Variants in HSD11B1 observed in about 807,000 individuals in gnomAD.
HSD11B1 encodes the protein hydroxysteroid 11-beta dehydrogenase 1.
In HSD11B1, 15 loss-of-function variants were observed where a neutral mutation model predicts 22.1. The observed-to-expected ratio is 0.68, with a 90% CI of 0.45 to 1.04. The LOEUF is 1.04. Ranked by LOEUF, HSD11B1 falls within the 50% of genes least tolerant of loss-of-function variation. HSD11B1 has a pLI of 0.00. For synonymous variants in HSD11B1, 122 were observed against 125.2 expected, an observed-to-expected ratio of 0.97 and a Z score of 0.17; for missense variants, 281 against 357.6, an observed-to-expected ratio of 0.79 and a Z score of 1.73.
rs977727694 is a variant in HSD11B1, at chr1:209,699,493, C to T, written c.-48-5402C>T. On this transcript the variant is annotated intron_variant, in intron 1 of 6. Transcript: ENST00000261465. ...GAGAGTAGCAGGGGAAAGACTGGCC[C>T]CCATGATTCAATTACCTCCCCCAGG... 2.0e-5 allele frequency among the ~76,000 whole-genome samples: 3 copies of T among 151,992 alleles called. No individual in the cohort carries two copies. In the South Asian group the frequency reaches 6.2e-4, roughly 32 times the overall value.
At chr1:209,686,732 G>C (rs746317079) in intron 1 of HSD11B1, among the ~76,000 whole-genome samples, 39 of 152,238 alleles carry the variant, frequency 2.6e-4, no homozygotes, top group Non-Finnish European at 1.2e-4. Flanking sequence ...TGTATCTTGG[G>C]AAGTACTTAA....
chr1:209,711,114 A>G (rs1360099411), intron 4 of HSD11B1, among the ~76,000 whole-genome samples: 1 of 152,222 alleles, frequency 6.6e-6, no homozygotes, highest in Non-Finnish European at 1.5e-5. Flanking sequence ...TGTGTGGTCT[A>G]AATCTATTTC....
intron 4 of HSD11B1, among the ~76,000 whole-genome samples, chr1:209,726,280 A>T (rs1384172019): frequency 3.0e-3 from 8 of 2,630 alleles, no homozygotes; most frequent in South Asian, 0.2. Flanking sequence ...ACTCCGTAAA[A>T]AAAAAAAAAA....
intron 4 of HSD11B1, among the ~76,000 whole-genome samples, chr1:209,725,060 T>A (rs631923): frequency 9.3e-4 from 141 of 152,312 alleles, no homozygotes; most frequent in African/African-American, 3.2e-3. Flanking sequence ...GTGAGGCTAC[T>A]TAAATCCTTT....
At chr1:209,713,215 A>T (rs531516657) in intron 4 of HSD11B1, among the ~76,000 whole-genome samples, 2 of 152,342 alleles carry the variant, frequency 1.3e-5, no homozygotes, top group East Asian at 3.9e-4. Flanking sequence ...TAGGAAAATA[A>T]CTAGTTGTAC....
At chr1:209,708,250 A>C (rs185365260) in intron 4 of HSD11B1, among the ~76,000 whole-genome samples, 19 of 152,300 alleles carry the variant, frequency 1.2e-4, no homozygotes, top group Admixed American at 5.2e-4. Flanking sequence ...GGAAAGTGCA[A>C]ACACCAGGAT....
At chr1:209,708,233 T>C (rs1177263861) in intron 4 of HSD11B1, among the ~76,000 whole-genome samples, 2 of 152,208 alleles carry the variant, frequency 1.3e-5, no homozygotes, top group Non-Finnish European at 2.9e-5. Flanking sequence ...GTTAGAAGGA[T>C]GTGGCTGGAA....
chr1:209,688,110 C>T (rs1571861209), intron 1 of HSD11B1, among the ~76,000 whole-genome samples: 1 of 152,340 alleles, frequency 6.6e-6, no homozygotes, highest in Non-Finnish European at 1.5e-5. Flanking sequence ...ATGGCTAGTT[C>T]AGTGACTGTT....
chr1:209,725,667 G>A, intron 4 of HSD11B1, among the ~76,000 whole-genome samples: 1 of 152,088 alleles, frequency 6.6e-6, no homozygotes, highest in East Asian at 1.9e-4. Context: ...AGGCCACCAT[G>A]CCTTTCCTAC....
rs767501937 is a variant in HSD11B1 at position 209,707,074 on chromosome 1, T to C, written c.463T>C (p.Leu155=). The C allele has an allele frequency of 1.2e-6, 2 of 1,614,140 alleles. No individual in the cohort carries two copies. ...TTACGTGGTCCTGACTGTAGCTGCC[T>C]TGCCCATGCTGAAGCAGAGCAATGG... ...LSYVVLTVAA[L]PMLKQSNGSI... The change falls in exon 4 of 6, where the codon TTG becomes CTG. Residue 155 remains leucine, a synonymous_variant. Coordinates refer to ENST00000367027, the MANE Select transcript of HSD11B1 (RefSeq NM_005525.4).
chr1:209,706,105 C>T lies in HSD11B1; in HGVS notation c.219+164C>T, dbSNP rs766520999. On this transcript the variant is annotated intron_variant, in intron 2 of 5. Transcript: ENST00000367027. This position sits in a 1 kb window ranked among gnomAD's most constrained non-coding sequence, Gnocchi z 4.0. ...GCACTCTCATATATAGATTCAAACA[C>T]CAAAAAACCCACAGGAATATAAAAG... is the stretch of plus-strand genomic sequence containing the variant. Among the ~76,000 whole-genome samples, 2 of 152,056 alleles carry T rather than the reference C, an allele frequency of 1.3e-5. No homozygotes were observed. The highest frequency in any genetic ancestry group is 2.9e-5 in the Non-Finnish European group (2 of 68,004).
intron 4 of HSD11B1, among the ~76,000 whole-genome samples, chr1:209,708,328 TG>T (rs2076873555): frequency 2.0e-5 from 3 of 152,226 alleles, no homozygotes; most frequent in African/African-American, 7.2e-5. Context: ...CTCTGTAAAC[TG>T]TTAAGCACTT....
intron 1 of HSD11B1, among the ~76,000 whole-genome samples, chr1:209,694,695 A>T (rs2076780393): frequency 6.6e-6 from 1 of 152,204 alleles, no homozygotes; most frequent in Non-Finnish European, 1.5e-5. Context: ...CCCAAGGGGA[A>T]CTTCACAGTG....
At chr1:209,716,467 G>A (rs978688413) in intron 4 of HSD11B1, among the ~76,000 whole-genome samples, 12 of 151,794 alleles carry the variant, frequency 7.9e-5, no homozygotes, top group African/African-American at 2.9e-4. Flanking sequence ...TCATGGATTA[G>A]AATAATTAAT....
chr1:209,719,536 T>C (rs1174008206), intron 4 of HSD11B1, among the ~76,000 whole-genome samples: 2 of 152,208 alleles, frequency 1.3e-5, no homozygotes, highest in African/African-American at 2.4e-5. Flanking sequence ...ATGAATGTAC[T>C]GAATGCCCCC....
intron 1 of HSD11B1, among the ~76,000 whole-genome samples, chr1:209,694,529 A>G (rs1400326791): frequency 1.3e-5 from 2 of 152,214 alleles, no homozygotes; most frequent in Non-Finnish European, 2.9e-5. Context: ...GGGCAAGGGG[A>G]GGTTCCTGGG....
chr1:209,713,260 T>A (rs1252941355), intron 4 of HSD11B1, among the ~76,000 whole-genome samples: 1 of 152,236 alleles, frequency 6.6e-6, no homozygotes, highest in Non-Finnish European at 1.5e-5. Flanking sequence ...TCTGTATCCA[T>A]AGCTGTATCT....
Position 209,732,476 on chromosome 1 carries a change from C to A in HSD11B1, c.558C>A (p.Ser186Arg), listed in dbSNP as rs373059310. 1.2e-6 allele frequency: 2 copies of A among 1,614,100 alleles called. No individual in the cohort carries two copies. Among genetic ancestry groups the A allele is most frequent in the African/African-American group, 1.3e-5 (1 of 75,050 alleles). The part of the protein sequence containing the change: ...AYPMVAAYSA[S>R]KFALDGFFSS... ...CAATGGTTGCTGCCTATTCTGCAAGCAAGTTTGCTTTGGATGGGTTCTTCT... is the reference window on the plus strand; with the variant it reads ...CAATGGTTGCTGCCTATTCTGCAAGAAAGTTTGCTTTGGATGGGTTCTTCT... Residue 186 changes from serine (S) to arginine (R), a missense_variant, in exon 5 of 6, where the codon AGC (serine) becomes AGA (arginine). By Grantham distance (110) the Ser-to-Arg change is moderately radical. Coordinates refer to ENST00000367027, the MANE Select transcript of HSD11B1 (RefSeq NM_005525.4).
intron 4 of HSD11B1, among the ~76,000 whole-genome samples, chr1:209,714,717 T>G (rs1356787399): frequency 1.3e-5 from 2 of 152,294 alleles, no homozygotes; most frequent in East Asian, 3.9e-4. Context: ...CTCTGAATAA[T>G]TCAATCTAAA....
Sources: gnomAD v4.1 joint callset for allele counts (sites outside exome capture counted in the v4.1 genomes callset) on GRCh38, gnomAD v4.1.1 for gene constraint, Gnocchi (gnomAD v3.1) non-coding constraint, MANE v1.5 for transcripts, NCBI Gene and HGNC (gene_info 2026-07-23, HGNC 2026-07-21) for gene names.